The following NELL2 variants were observed in gnomAD, a reference collection of about 807,000 sequenced individuals.
NELL2 encodes the protein protein kinase C-binding protein NELL2.
A neutral mutation model predicts 109.6 loss-of-function variants in NELL2; 41 were observed. The ratio of observed to expected loss-of-function variants is 0.37; its 90% CI spans 0.29 to 0.49. NELL2 has a LOEUF of 0.49. Ranked by LOEUF, NELL2 falls within the 20% of genes least tolerant of loss-of-function variation. The pLI is 0.98. For missense variants in NELL2, 900 were observed against 1,008.3 expected (o/e 0.89, Z 1.45); for synonymous variants, 355 against 344.7 (o/e 1.03, Z -0.33).
chr12:44,566,736 A>G (rs774348682), intron 15 of NELL2, among the ~76,000 whole-genome samples: 46 of 152,310 alleles, frequency 3.0e-4, no homozygotes, highest in Non-Finnish European at 5.3e-4. Flanking sequence ...TTCATCATCT[A>G]TACAAACAAG....
chr12:44,801,494 G>T (rs1369358324), intron 3 of NELL2, among the ~76,000 whole-genome samples: 1 of 152,120 alleles, frequency 6.6e-6, no homozygotes, highest in East Asian at 1.9e-4. Flanking sequence ...AAGCAGTTGA[G>T]AATTTGTCAG....
intron 15 of NELL2, among the ~76,000 whole-genome samples, chr12:44,565,327 T>C (rs1192130601): frequency 1.3e-5 from 2 of 152,184 alleles, no homozygotes; most frequent in African/African-American, 4.8e-5. Context: ...CGATTATATG[T>C]ATCACTAAAA....
At chr12:44,634,749 C>G (rs540858369) in intron 13 of NELL2, among the ~76,000 whole-genome samples, 3 of 152,224 alleles carry the variant, frequency 2.0e-5, no homozygotes, top group Non-Finnish European at 2.9e-5. Context: ...AATCACCACA[C>G]TGTCTTCCAC....
chr12:44,642,594 A>G (rs1050453394), intron 13 of NELL2, among the ~76,000 whole-genome samples: 3 of 152,334 alleles, frequency 2.0e-5, no homozygotes, highest in Non-Finnish European at 4.4e-5. Flanking sequence ...AAATTTGTGA[A>G]GAAGTGGCCG....
chr12:44,602,014 A>G (rs1365886140), intron 15 of NELL2, among the ~76,000 whole-genome samples: 1 of 152,172 alleles, frequency 6.6e-6, no homozygotes, highest in African/African-American at 2.4e-5. Flanking sequence ...GATCACCAAC[A>G]TAAAGAGAAG....
intron 3 of NELL2, among the ~76,000 whole-genome samples, chr12:44,801,410 A>G (rs1446853335): frequency 6.6e-6 from 1 of 152,148 alleles, no homozygotes; most frequent in Non-Finnish European, 1.5e-5. Flanking sequence ...CCACTATAGA[A>G]CAATAGTGCT....
At chr12:44,609,993 G>T (rs547744338) in intron 14 of NELL2, among the ~76,000 whole-genome samples, 7 of 152,062 alleles carry the variant, frequency 4.6e-5, no homozygotes, top group South Asian at 2.1e-4. Context: ...TTCCAAAAAG[G>T]TCTTCTATTT....
intron 2 of NELL2, among the ~76,000 whole-genome samples, chr12:44,830,453 T>G (rs1943850899): frequency 6.6e-6 from 1 of 152,176 alleles, no homozygotes; most frequent in South Asian, 2.1e-4. Context: ...TTAATCACCC[T>G]ATCAAAATTG....
In NELL2 at chr12:44,789,549, A is replaced by G. The variant is rs150201064; in HGVS notation, c.336-9527T>C. 5.4e-4 allele frequency among the ~76,000 whole-genome samples: 82 copies of G among 152,266 alleles called. No individual in the cohort carries two copies. The East Asian group carries it at 0.011, about 21-fold the overall frequency. ...GCACCAGAAAACCAGCTCTGGTAAC[A>G]TGAGAAAATAGGGCTCTTTAACACC... On this transcript the variant is annotated intron_variant, in intron 3 of 19. Transcript: ENST00000429094.
intron 19 of NELL2, among the ~76,000 whole-genome samples, chr12:44,513,841 G>A (rs1289394631): frequency 6.6e-6 from 1 of 151,640 alleles, no homozygotes; most frequent in Non-Finnish European, 1.5e-5. Flanking sequence ...AGAAAAAAAT[G>A]TGGCAGACAA....
chr12:44,916,448 CATT>C (rs1288332492), upstream of NELL2, among the ~76,000 whole-genome samples: 1 of 152,040 alleles, frequency 6.6e-6, no homozygotes, highest in Non-Finnish European at 1.5e-5. Flanking sequence ...AAATGGAAAT[CATT>C]ATAACTGGGG....
chr12:44,716,185 T>C (rs1938477527), intron 9 of NELL2, among the ~76,000 whole-genome samples: 1 of 152,168 alleles, frequency 6.6e-6, no homozygotes, highest in African/African-American at 2.4e-5. Context: ...GAAAAACTAT[T>C]TTAAAGTTGC....
chr12:44,760,092 T>C (rs1941058807), intron 9 of NELL2, among the ~76,000 whole-genome samples: 1 of 152,212 alleles, frequency 6.6e-6, no homozygotes, highest in Non-Finnish European at 1.5e-5. Context: ...TAAATTTGCT[T>C]GACTCCTTGC....
intron 2 of NELL2, among the ~76,000 whole-genome samples, chr12:44,872,210 T>G (rs951469823): frequency 1.3e-5 from 2 of 152,180 alleles, no homozygotes; most frequent in Admixed American, 1.3e-4. Flanking sequence ...AAAAGCATAA[T>G]AAGTGTATTT....
At chr12:44,852,452 G>C (rs1290353234) in intron 2 of NELL2, among the ~76,000 whole-genome samples, 1 of 152,142 alleles carries the variant, frequency 6.6e-6, no homozygotes, top group Non-Finnish European at 1.5e-5. Flanking sequence ...TGAGAGAAAA[G>C]CTTTGTTACA....
chr12:44,679,909 T>A (rs911024303), intron 12 of NELL2, among the ~76,000 whole-genome samples: 10 of 152,130 alleles, frequency 6.6e-5, no homozygotes, highest in African/African-American at 2.2e-4. Context: ...GCACTTTTTG[T>A]CTGTGCTTAT....
At chr12:44,592,419 T>C (rs966253604) in intron 15 of NELL2, among the ~76,000 whole-genome samples, 12 of 152,256 alleles carry the variant, frequency 7.9e-5, no homozygotes, top group African/African-American at 2.6e-4. Context: ...ATTACTTCTT[T>C]GGGTAGAGAA....
At chr12:44,623,333 A>C (rs1946125296) in intron 13 of NELL2, among the ~76,000 whole-genome samples, 1 of 152,160 alleles carries the variant, frequency 6.6e-6, no homozygotes, top group Admixed American at 6.6e-5. Flanking sequence ...TGGCTAACTT[A>C]CACCTGTGTT....
At chr12:44,629,481 C>T (rs1406797650) in intron 13 of NELL2, among the ~76,000 whole-genome samples, 1 of 152,048 alleles carries the variant, frequency 6.6e-6, no homozygotes, top group Non-Finnish European at 1.5e-5. Context: ...AGCAGCAAAG[C>T]ATTACAGAGA....
Sources: allele counts gnomAD v4.1 joint callset (sites outside exome capture counted in the v4.1 genomes callset), GRCh38; gene constraint gnomAD v4.1.1; transcripts MANE v1.5; gene names NCBI Gene and HGNC (gene_info 2026-07-23, HGNC 2026-07-21).